MYL12B: variants seen among roughly 807,000 people sequenced by gnomAD.
The protein encoded by MYL12B is myosin light chain 12B, also known as myosin regulatory light chain 12B.
A neutral mutation model predicts 12.9 loss-of-function variants in MYL12B; 3 were observed. The observed-to-expected ratio is 0.23, with a 90% CI of 0.11 to 0.60. The LOEUF is 0.60. MYL12B is among the 20% of genes least tolerant of loss of function. The probability of loss-of-function intolerance (pLI) is 0.89; values close to 1 mark genes in which losing one functional copy is unlikely to be tolerated. For missense variants in MYL12B, 120 were observed against 215.4 expected, an observed-to-expected ratio of 0.56 and a Z score of 2.77; for synonymous variants, 57 against 71.9, an observed-to-expected ratio of 0.79 and a Z score of 1.05.
chr18:3,263,551 A>G (rs1217308138), intron 1 of MYL12B, among the ~76,000 whole-genome samples: 1 of 152,246 alleles, frequency 6.6e-6, no homozygotes, highest in Non-Finnish European at 1.5e-5. Context: ...CTAAGCTTGA[A>G]CAAGATGAAC....
intron 1 of MYL12B, among the ~76,000 whole-genome samples, chr18:3,270,404 T>C (rs769225974): frequency 4.6e-5 from 7 of 152,296 alleles, no homozygotes; most frequent in Middle Eastern, 3.4e-3. Context: ...AGTTAGTGAA[T>C]TGTTTTTTGT....
At chr18:3,273,523 AT>A (rs1478258767) in intron 2 of MYL12B, among the ~76,000 whole-genome samples, 1 of 104,230 alleles carries the variant, frequency 9.6e-6, no homozygotes, top group African/African-American at 3.8e-5. Flanking sequence ...CTTTCACAAT[AT>A]TTTGTATGAT....
chr18:3,275,782 A>C (rs7506159), intron 2 of MYL12B, among the ~76,000 whole-genome samples: 145,444 of 151,780 alleles, frequency 0.96, 69,734 homozygotes, highest in Non-Finnish European at 0.98. Flanking sequence ...TCTTCCCCCC[A>C]AAAAATGCTG....
At chr18:3,273,224 T>A (rs2081697327) in intron 2 of MYL12B, 142 bp downstream of exon 2, 1 of 950,452 alleles carries the variant, frequency 1.1e-6, no homozygotes, top group African/African-American at 1.7e-5. Flanking sequence ...GGAGGTGCTA[T>A]TTTGGGGCTT....
intron 2 of MYL12B, among the ~76,000 whole-genome samples, chr18:3,275,331 A>G (rs1434668654): frequency 6.6e-6 from 1 of 152,174 alleles, no homozygotes; most frequent in Non-Finnish European, 1.5e-5. Flanking sequence ...GGCAGGGAGA[A>G]GAGTGGGAAC....
At chr18:3,271,289 T>G (rs2081676826) in intron 1 of MYL12B, among the ~76,000 whole-genome samples, 1 of 152,218 alleles carries the variant, frequency 6.6e-6, no homozygotes, top group African/African-American at 2.4e-5. Flanking sequence ...TAACATTTAT[T>G]TAGGACTTGT....
chr18:3,272,526 A>G (rs1294160755), intron 1 of MYL12B, among the ~76,000 whole-genome samples: 5 of 152,128 alleles, frequency 3.3e-5, no homozygotes, highest in African/African-American at 4.8e-5. Flanking sequence ...AATAATTTCT[A>G]TTGTGTTTCT....
intron 1 of MYL12B, among the ~76,000 whole-genome samples, chr18:3,268,873 G>A (rs559021335): frequency 6.6e-6 from 1 of 152,240 alleles, no homozygotes; most frequent in East Asian, 1.9e-4. Context: ...TTTGGCAGGT[G>A]GGCATGTTTC....
chr18:3,266,003 A>G (rs890570571), intron 1 of MYL12B, among the ~76,000 whole-genome samples: 1 of 152,214 alleles, frequency 6.6e-6, no homozygotes, highest in Non-Finnish European at 1.5e-5. Context: ...TTCTGAAATA[A>G]AGGCATTGCC....
intron 1 of MYL12B, among the ~76,000 whole-genome samples, chr18:3,268,387 T>G (rs2081650882): frequency 6.7e-6 from 1 of 149,120 alleles, no homozygotes; most frequent in Non-Finnish European, 1.5e-5. Context: ...GTTTTTTGTG[T>G]TTTTGTTTGT....
chr18:3,273,665 T>G (rs1178400402), intron 2 of MYL12B, among the ~76,000 whole-genome samples: 1 of 152,182 alleles, frequency 6.6e-6, no homozygotes, highest in Non-Finnish European at 1.5e-5. Context: ...TCCTACATGT[T>G]CTGGCCAGAG....
intron 2 of MYL12B, chr18:3,276,427 T>A (rs879579135): frequency 4.1e-6 from 4 of 983,398 alleles, no homozygotes; most frequent in Non-Finnish European, 4.8e-6. Context: ...GTCAGGGGAG[T>A]TCCCTCACCA....
At chr18:3,267,123 T>C (rs1467145764) in intron 1 of MYL12B, among the ~76,000 whole-genome samples, 2 of 152,162 alleles carry the variant, frequency 1.3e-5, no homozygotes, top group African/African-American at 2.4e-5. Context: ...TTTTTGAAAA[T>C]ACAGATGCCT....
At chr18:3,277,503 G>C in intron 3 of MYL12B, 89 bp downstream of exon 3, 1 of 1,525,244 alleles carries the variant, frequency 6.6e-7, no homozygotes, top group Non-Finnish European at 8.8e-7. Context: ...TTTACCTTTA[G>C]AAAATATTTG....
intron 2 of MYL12B, chr18:3,276,627 C>A: frequency 2.2e-6 from 2 of 903,690 alleles, no homozygotes; most frequent in Non-Finnish European, 2.6e-6. Flanking sequence ...ATAAATACAA[C>A]TTTGAAGCAT....
chr18:3,275,651 C>T (rs749897612), intron 2 of MYL12B, among the ~76,000 whole-genome samples: 6 of 152,168 alleles, frequency 3.9e-5, no homozygotes, highest in Non-Finnish European at 7.3e-5. Context: ...CCTTTCAAAT[C>T]AACAGATTAC....
rs2081694702 is a variant in MYL12B, at chr18:3,273,050, A to G, written c.152A>G (p.Lys51Arg). ...IDQNRDGFID[K>R]EDLHDMLASL... is the part of the protein sequence containing the mutation. ...CAGAACAGAGATGGCTTCATCGACA[A>G]GGAAGATTTGCATGATATGCTTGCT... The change falls in exon 2 of 4, where the codon AAG becomes AGG. Residue 51 changes from lysine (K) to arginine (R), a missense_variant. Physicochemically the swap from Lys to Arg is conservative, Grantham distance 26. Coordinates refer to ENST00000237500, the MANE Select transcript of MYL12B (RefSeq NM_033546.4). 6.2e-7 allele frequency: 1 copy of G among 1,607,206 alleles called. No homozygotes were observed. The highest frequency in any genetic ancestry group is 1.3e-5 in the African/African-American group (1 of 74,818).
At chr18:3,276,967 T>C (rs2081737465) in intron 2 of MYL12B, 1 of 983,542 alleles carries the variant, frequency 1.0e-6, no homozygotes, top group Non-Finnish European at 1.2e-6. Flanking sequence ...TGGCACTGCC[T>C]GGCTTCAGGT....
At chr18:3,266,579 ACT>A (rs2081636724) in intron 1 of MYL12B, among the ~76,000 whole-genome samples, 2 of 6,350 alleles carry the variant, frequency 3.1e-4, no homozygotes, top group African/African-American at 5.7e-4. Context: ...CAGATAACAA[ACT>A]AATACCAGCT....
Sources: allele counts gnomAD v4.1 joint callset (sites outside exome capture counted in the v4.1 genomes callset), GRCh38; gene constraint gnomAD v4.1.1; transcripts MANE v1.5; gene names NCBI Gene and HGNC (gene_info 2026-07-23, HGNC 2026-07-21).